The following USH2A variants were observed in gnomAD, a reference collection of about 807,000 sequenced individuals.
The protein encoded by USH2A is usherin, also known as Usher syndrome 2A (autosomal recessive, mild).
In USH2A, 443 loss-of-function variants were observed where a neutral mutation model predicts 538.9. The observed-to-expected ratio is 0.82, with a 90% CI of 0.76 to 0.89. The LOEUF (loss-of-function observed/expected upper bound fraction) is 0.89, where lower values mean the gene tolerates loss of function less well. Ranked by LOEUF, USH2A falls within the 40% of genes least tolerant of loss-of-function variation. USH2A has a pLI of 0.00. For synonymous variants in USH2A, 2,413 were observed against 2,273.5 expected, an observed-to-expected ratio of 1.06 and a Z score of -1.75; for missense variants, 6,633 against 6,324.8, an observed-to-expected ratio of 1.05 and a Z score of -1.65.
intron 61 of USH2A, among the ~76,000 whole-genome samples, chr1:215,727,571 A>T (rs1158622047): frequency 3.3e-5 from 5 of 152,186 alleles, no homozygotes; most frequent in African/African-American, 9.6e-5. Flanking sequence ...TATTAAAAAT[A>T]CAAAAATTAG....
In USH2A at chr1:216,355,670, T is replaced by A. The variant is rs146949574; in HGVS notation, c.784+9283A>T. ...GGAAGTGAGGATGAACAGGAAACAT[T>A]GAAGAACACTAGAAAGGACAGATCT... On this transcript the variant is annotated intron_variant, in intron 4 of 71. Transcript: ENST00000307340. 3.5e-3 allele frequency among the ~76,000 whole-genome samples: 540 copies of A among 152,178 alleles called. 3 individuals carry two copies. Among genetic ancestry groups the A allele is most frequent in the African/African-American group, 0.013 (525 of 41,546 alleles).
intron 36 of USH2A, 80 bp from the exon 37 acceptor site, chr1:215,965,559 T>C (rs1048093829): frequency 1.6e-5 from 24 of 1,537,838 alleles, no homozygotes; most frequent in Non-Finnish European, 2.0e-5. Flanking sequence ...CTTCAAAGAA[T>C]CTCTTTTTGC....
chr1:216,377,437 A>G (rs536609769), intron 3 of USH2A, among the ~76,000 whole-genome samples: 27 of 152,246 alleles, frequency 1.8e-4, no homozygotes, highest in African/African-American at 6.5e-4. Context: ...TTTACGGGTC[A>G]AATGCAGAAT....
intron 35 of USH2A, among the ~76,000 whole-genome samples, chr1:215,973,656 C>CTTTTTTTTTTTTTTTTTTTTTTTT (rs750306238): frequency 7.6e-6 from 1 of 130,960 alleles, no homozygotes; most frequent in Admixed American, 7.9e-5. Flanking sequence ...TCTTCTTCTT[C>CTTTTTTTTTTTTTTTTTTTTTTTT]TTTTTTTTTT....
chr1:216,412,438 A>C (rs898278388), intron 3 of USH2A, among the ~76,000 whole-genome samples: 4 of 152,086 alleles, frequency 2.6e-5, no homozygotes. Flanking sequence ...GCTTAAGGGA[A>C]ATATTCTTTC....
intron 16 of USH2A, among the ~76,000 whole-genome samples, chr1:216,206,464 A>C (rs1418718964): frequency 6.6e-6 from 1 of 152,112 alleles, no homozygotes; most frequent in Non-Finnish European, 1.5e-5. Context: ...CACAGTTCGC[A>C]ATAGGATTCC....
intron 2 of USH2A, 31 bp from the exon 3 acceptor site, chr1:216,418,710 G>T: frequency 6.2e-7 from 1 of 1,611,730 alleles, no homozygotes; most frequent in Non-Finnish European, 8.5e-7. Flanking sequence ...GAGAGAAAAG[G>T]TCAGCATCCA....
At chr1:216,356,383 T>A (rs1286847213) in intron 4 of USH2A, among the ~76,000 whole-genome samples, 2 of 151,900 alleles carry the variant, frequency 1.3e-5, no homozygotes, top group Non-Finnish European at 1.5e-5. Context: ...AAAATATTTT[T>A]AATTCTTATT....
In USH2A at chr1:216,422,155, G is replaced by A. The variant is rs938662688; in HGVS notation, c.182C>T (p.Pro61Leu). 1 of 1,613,770 alleles carries A rather than the reference G, an allele frequency of 6.2e-7. No individual in the cohort carries two copies. Among genetic ancestry groups the A allele is most frequent in the Non-Finnish European group, 8.5e-7 (1 of 1,179,880 alleles). The stretch of plus-strand genomic sequence containing the variant: ...GCTGTGACAAAAAGTGCTTCGGTCT[G>A]GGAGTCCACATACTGCTTGGGTTGG... ...IVPTQAVCGL[P>L]DRSTFCHSSA... The change falls in exon 2 of 72, where the codon CCA becomes CTA. Residue 61 changes from proline (P) to leucine (L), a missense_variant. By Grantham distance (98) the Pro-to-Leu change is moderately conservative (BLOSUM62 -3). Transcript: ENST00000307340.
intron 3 of USH2A, 42 bp downstream of exon 3, chr1:216,418,472 C>A: frequency 2.5e-6 from 4 of 1,603,312 alleles, no homozygotes; most frequent in Non-Finnish European, 3.4e-6. Flanking sequence ...AAGACAAATC[C>A]TTGTGTTTAA....
intron 38 of USH2A, chr1:215,901,450 T>C (rs1665499898): frequency 5.5e-6 from 1 of 181,276 alleles, no homozygotes; most frequent in South Asian, 1.1e-4. Context: ...CTGAATACAG[T>C]GTATTCCAGC....
intron 4 of USH2A, among the ~76,000 whole-genome samples, chr1:216,353,176 AGT>A (rs1315372759): frequency 6.6e-6 from 1 of 152,156 alleles, no homozygotes; most frequent in Non-Finnish European, 1.5e-5. Flanking sequence ...CACATCAAAA[AGT>A]GAGAGATAGT....
At chr1:216,007,138 C>T (rs773448470) in intron 32 of USH2A, among the ~76,000 whole-genome samples, 1 of 152,084 alleles carries the variant, frequency 6.6e-6, no homozygotes, top group Non-Finnish European at 1.5e-5. Context: ...GTAAGATGTG[C>T]CTTTTGCCTT....
chr1:215,975,476 C>A (rs1345062973), intron 35 of USH2A, among the ~76,000 whole-genome samples: 1 of 152,106 alleles, frequency 6.6e-6, no homozygotes, highest in African/African-American at 2.4e-5. Flanking sequence ...AATCTTTAAT[C>A]CATCTTGAGC....
chr1:216,118,926 T>C (rs2033069183), intron 21 of USH2A, among the ~76,000 whole-genome samples: 1 of 152,316 alleles, frequency 6.6e-6, no homozygotes, highest in East Asian at 1.9e-4. Flanking sequence ...CAAAAATGTC[T>C]CATTTCTGAA....
intron 62 of USH2A, among the ~76,000 whole-genome samples, chr1:215,679,013 G>A (rs1658134987): frequency 6.6e-6 from 1 of 152,186 alleles, no homozygotes; most frequent in South Asian, 2.1e-4. Context: ...TGGATTTTAA[G>A]GTCATGAATC....
At chr1:216,385,485 G>A (rs1571766364) in intron 3 of USH2A, among the ~76,000 whole-genome samples, 1 of 152,082 alleles carries the variant, frequency 6.6e-6, no homozygotes, top group East Asian at 1.9e-4. Flanking sequence ...CATAACTGAA[G>A]GGACACAGAT....
At position 215,741,420 on chromosome 1, in the gene USH2A, G is replaced by T. The variant is rs1331181381; in HGVS notation, c.11666C>A (p.Pro3889Gln). ...GSACIEIKWM[P>Q]PEKPNGIIIN... ...GATGATTCCATTTGGTTTTTCAGGT[G>T]GCATCCACTTAATCTCTATGCAAGC... is the stretch of plus-strand genomic sequence containing the variant. Residue 3889 changes from proline to glutamine, a missense_variant, in exon 60 of 72, where the codon CCA (proline) becomes CAA (glutamine). Physicochemically the swap from Pro to Gln is moderately conservative, Grantham distance 76. Transcript: ENST00000307340. 4 of 1,613,858 alleles carry T rather than the reference G, an allele frequency of 2.5e-6. No individual in the cohort carries two copies. The highest frequency in any genetic ancestry group is 3.4e-6 in the Non-Finnish European group (4 of 1,179,980).
At position 215,884,289 on chromosome 1, in the gene USH2A, G is replaced by A. The variant is rs578045820; in HGVS notation, c.8223+4137C>T. 1.3e-4 allele frequency among the ~76,000 whole-genome samples: 20 copies of A among 152,050 alleles called. No individual in the cohort carries two copies. The East Asian group carries it at 3.1e-3, about 23-fold the overall frequency. Reference sequence around the variant, plus strand: ...TGAAATAAAACAAACAAAAAACATCGGCATTCTGATTTGAATGATGTTCAG... The same window carrying A: ...TGAAATAAAACAAACAAAAAACATCAGCATTCTGATTTGAATGATGTTCAG... On this transcript the variant is annotated intron_variant, in intron 41 of 71. Transcript: ENST00000307340.
Sources: allele counts gnomAD v4.1 joint callset (sites outside exome capture counted in the v4.1 genomes callset), GRCh38; gene constraint gnomAD v4.1.1; transcripts MANE v1.5; gene names NCBI Gene and HGNC (gene_info 2026-07-23, HGNC 2026-07-21).